Variants in EEF2 observed in about 807,000 individuals in gnomAD.
The protein encoded by EEF2 is elongation factor 2.
Under a neutral mutation model 85.3 loss-of-function variants are expected in EEF2, and 21 were observed. The observed-to-expected ratio is 0.25, with a 90% CI of 0.17 to 0.35. The LOEUF (loss-of-function observed/expected upper bound fraction) is 0.35, where lower values mean the gene tolerates loss of function less well. EEF2 is among the 10% of genes least tolerant of loss of function. EEF2 has a pLI of 1.00. For missense variants in EEF2, 825 were observed against 1,225.3 expected, an observed-to-expected ratio of 0.67 and a Z score of 4.88; for synonymous variants, 723 against 508.8, an observed-to-expected ratio of 1.42 and a Z score of -5.67.
rs1302306017 is a variant in EEF2, at chr19:3,980,936, T to C, written c.1055A>G (p.Gln352Arg). 13 of 1,573,094 alleles carry C rather than the reference T, an allele frequency of 8.3e-6. No homozygotes were observed. Among genetic ancestry groups the C allele is most frequent in the Non-Finnish European group, 1.1e-5 (13 of 1,160,178 alleles). Reference protein sequence around the residue: ...RWLPAGDALLQMITIHLPSPV... With the variant: ...RWLPAGDALLRMITIHLPSPV... ...GGAGGGCAGGTGGATGGTGATCATC[T>C]GCAACAAGGCGTCTCCGGCAGGCAG... Residue 352 changes from glutamine (Q) to arginine (R), a missense_variant, in exon 8 of 15, where the codon CAG becomes CGG. Coordinates refer to ENST00000309311, the MANE Select transcript of EEF2 (RefSeq NM_001961.4).
At chr19:3,976,839 C>A in intron 14 of EEF2, 92 bp from the exon 15 acceptor site, 4 of 1,347,848 alleles carry the variant, frequency 3.0e-6, no homozygotes, top group Non-Finnish European at 3.9e-6. Context: ...GTTCCTCAGC[C>A]TGAGTCACCC....
At chr19:3,979,487 G>A (rs772025899) in intron 10 of EEF2, 51 bp from the exon 11 acceptor site, 21 of 1,495,106 alleles carry the variant, frequency 1.4e-5, no homozygotes, top group Middle Eastern at 1.7e-4. Context: ...CGGAACAGGC[G>A]GGACCAGGCT....
At position 3,981,417 on chromosome 19, in the gene EEF2, C is replaced by T; in HGVS notation, c.933G>A (p.Glu311=). ...CCAGTTTCTCTATCAGTTTTGCTGT[C>T]TCCTCTTTCTTGAAATTCATGATCG... ...FDAIMNFKKE[E]TAKLIEKLDI... Residue 311 remains glutamate, a synonymous_variant, in exon 7 of 15, where the codon GAG becomes GAA. Coordinates refer to ENST00000309311, the MANE Select transcript of EEF2 (RefSeq NM_001961.4). The T allele has an allele frequency of 6.2e-7, 1 of 1,614,204 alleles. No homozygotes were observed. Among genetic ancestry groups the T allele is most frequent in the Non-Finnish European group, 8.5e-7 (1 of 1,180,036 alleles).
At chr19:3,979,712 A>G in intron 10 of EEF2, 96 bp downstream of exon 10, 1 of 1,525,114 alleles carries the variant, frequency 6.6e-7, no homozygotes, top group Non-Finnish European at 8.8e-7. Context: ...CAGTCACCCC[A>G]ATCCACCAAC....
intron 1 of EEF2, 27 bp downstream of exon 1, chr19:3,985,351 G>A (rs2039807175): frequency 2.0e-6 from 3 of 1,472,498 alleles, no homozygotes. Flanking sequence ...CGCCGCTCCG[G>A]GGCACCAGCG....
At chr19:3,984,388 T>C (rs1389099474) in intron 1 of EEF2, 38 bp from the exon 2 acceptor site, 1 of 1,601,862 alleles carries the variant, frequency 6.2e-7, no homozygotes, top group African/African-American at 1.3e-5. Context: ...GCTCGTGATT[T>C]CCAGGAACAC....
chr19:3,977,769 TCTAGAGC>T lies in EEF2; in HGVS notation c.2067+43_2067+49del. ...TCGGGAGGCAGGACCATGAGGTCCC[TCTAGAGC>T]CTGGAAACGGGTGTGGTCTGCACAT... is the stretch of plus-strand genomic sequence containing the variant. On this transcript the variant is annotated intron_variant, in intron 12 of 14. Transcript: ENST00000309311. This position sits in a 1 kb window ranked among gnomAD's most constrained non-coding sequence, Gnocchi z 5.4. 1 of 1,523,474 alleles carries T rather than the reference TCTAGAGC, an allele frequency of 6.6e-7. No homozygotes were observed. Among genetic ancestry groups the T allele is most frequent in the East Asian group, 2.3e-5 (1 of 43,852 alleles). The allele number at this position is 1,523,474 out of a possible 1,614,324, so 94.4% of individuals were successfully genotyped here.
rs574235597 is a variant in EEF2 at position 3,977,124 on chromosome 19, G to A, written c.2383+91C>T. The stretch of plus-strand genomic sequence containing the variant: ...ATCCATCACCTGCTCCCATCAGGAC[G>A]CCTCCTTTAACACCTTGCTAAGCTT... On this transcript the variant is annotated intron_variant, in intron 14 of 14. Coordinates refer to ENST00000309311, the MANE Select transcript of EEF2 (RefSeq NM_001961.4). This position sits in a 1 kb window ranked among gnomAD's most constrained non-coding sequence, Gnocchi z 5.4. The A allele has an allele frequency of 6.4e-5, 98 of 1,532,370 alleles. No individual in the cohort carries two copies. The highest frequency in any genetic ancestry group is 2.8e-4 in the Admixed American group (15 of 53,752). 94.9% of individuals were successfully genotyped at this position (1,532,370 alleles called of 1,614,324 possible). A position where few individuals can be genotyped will look rare whatever the true frequency, so the allele number is the denominator to read the frequency against.
chr19:3,979,000 C>T (rs2039711185), intron 11 of EEF2, among the ~76,000 whole-genome samples: 1 of 151,518 alleles, frequency 6.6e-6, no homozygotes, highest in African/African-American at 2.4e-5. Context: ...TGGTAGCACG[C>T]GCCTGTAGTC....
Position 3,976,596 on chromosome 19 carries a change from T to C in EEF2, c.2535A>G (p.Lys845=), listed in dbSNP as rs1599189416. 6.2e-7 allele frequency: 1 copy of C among 1,610,758 alleles called. No individual in the cohort carries two copies. Among genetic ancestry groups the C allele is most frequent in the South Asian group, 1.1e-5 (1 of 90,400 alleles). ...AGTTGTCCAGGGCAGGGATGCCTTCTTTCAGGCCCTTGCGCTTGCGGGTCT... is the reference window on the plus strand; with the variant it reads ...AGTTGTCCAGGGCAGGGATGCCTTCCTTCAGGCCCTTGCGCTTGCGGGTCT... ...VAETRKRKGL[K]EGIPALDNFL... is the part of the protein sequence containing the mutation. Residue 845 remains lysine (K), a synonymous_variant, in exon 15 of 15, where the codon AAA becomes AAG. Transcript: ENST00000309311.
At chr19:3,979,669 ACAGC>A (rs754871040) in intron 10 of EEF2, 135 bp downstream of exon 10, 27 of 1,346,234 alleles carry the variant, frequency 2.0e-5, no homozygotes, top group Non-Finnish European at 2.7e-5. Flanking sequence ...GTCTCCATTT[ACAGC>A]CACAGCCAAG....
At chr19:3,983,327 C>A (rs1361334769) in intron 2 of EEF2, 36 bp from the exon 3 acceptor site, 3 of 1,597,740 alleles carry the variant, frequency 1.9e-6, no homozygotes, top group African/African-American at 1.3e-5. Context: ...GGGACAGGAG[C>A]CACACACCTG....
rs902217510 is a variant in EEF2 at position 3,982,165 on chromosome 19, G to A, written c.791+81C>T. On this transcript the variant is annotated intron_variant, in intron 5 of 14. Transcript: ENST00000309311. ...AGACCTGGTGGGCTTGAGCCACGCT[G>A]TGAATAGCACACCACGCCCCTACGT... 5 of 1,600,446 alleles carry A rather than the reference G, an allele frequency of 3.1e-6. No homozygotes were observed. The African/African-American group carries it at 4.0e-5, about 13-fold the overall frequency.
intron 11 of EEF2, among the ~76,000 whole-genome samples, 191 bp downstream of exon 11, chr19:3,979,137 AC>A (rs1403790122): frequency 5.3e-5 from 8 of 151,658 alleles, no homozygotes; most frequent in African/African-American, 1.7e-4. Context: ...CTCAAAAAAA[AC>A]AACAACAACA....
chr19:3,980,807 T>A, intron 8 of EEF2, 34 bp downstream of exon 8: 1 of 1,584,222 alleles, frequency 6.3e-7, no homozygotes, highest in South Asian at 1.1e-5. Context: ...GTCATCCGGC[T>A]GCATCTCAGG....
intron 9 of EEF2, 34 bp downstream of exon 9, chr19:3,980,480 T>C (rs118050864): frequency 1.3e-6 from 2 of 1,593,468 alleles, no homozygotes; most frequent in Non-Finnish European, 1.7e-6. Flanking sequence ...CCCGCAACAG[T>C]GCCAAGGGGC....
At position 3,985,443 on chromosome 19, in the gene EEF2, G is replaced by C. The variant is rs907273439; in HGVS notation, c.-63C>G. The C allele has an allele frequency of 2.0e-4, 282 of 1,443,672 alleles. No individual in the cohort carries two copies. The highest frequency in any genetic ancestry group is 2.4e-4 in the Non-Finnish European group (259 of 1,092,652). The allele number at this position is 1,443,672 out of a possible 1,614,324, so 89.4% of individuals were successfully genotyped here. ...AAAGAAGCGAGTCGCGCCGAGGATG[G>C]CGGCGACGACGGCGGAAGAGAACGC... On this transcript the variant is annotated 5_prime_UTR_variant, in exon 1 of 15. Coordinates refer to ENST00000309311, the MANE Select transcript of EEF2 (RefSeq NM_001961.4).
rs933795495 is a variant in EEF2 at position 3,982,428 on chromosome 19, G to T, written c.613-4C>A. ...CGGTACCGAGGACAGGATCGATCTG[G>T]AAGTGTGAGAAACGAGAAGCAGCCG... On this transcript the variant is annotated splice_region_variant and splice_polypyrimidine_tract_variant and intron_variant, in intron 4 of 14. Coordinates refer to ENST00000309311, the MANE Select transcript of EEF2 (RefSeq NM_001961.4). The T allele has an allele frequency of 7.4e-6, 12 of 1,613,892 alleles. No individual in the cohort carries two copies. Among genetic ancestry groups the T allele is most frequent in the African/African-American group, 2.7e-5 (2 of 74,942 alleles).
rs770914707 is a variant in EEF2, at chr19:3,977,805, G to C, written c.2067+14C>G. On this transcript the variant is annotated intron_variant, in intron 12 of 14. Coordinates refer to ENST00000309311, the MANE Select transcript of EEF2 (RefSeq NM_001961.4). The surrounding 1 kb of genome is among the most constrained non-coding windows in gnomAD (Gnocchi z 5.4). Reference sequence around the variant, plus strand: ...GAAACGGGTGTGGTCTGCACATGCTGAGCCGTGCCTCACCTCCTTGGTGGC... The same window carrying C: ...GAAACGGGTGTGGTCTGCACATGCTCAGCCGTGCCTCACCTCCTTGGTGGC... The C allele has an allele frequency of 3.2e-6, 5 of 1,568,808 alleles. No individual in the cohort carries two copies. The South Asian group carries it at 4.7e-5, about 15-fold the overall frequency.
Sources: gnomAD v4.1 joint callset for allele counts (sites outside exome capture counted in the v4.1 genomes callset) on GRCh38, gnomAD v4.1.1 for gene constraint, Gnocchi (gnomAD v3.1) non-coding constraint, MANE v1.5 for transcripts, NCBI Gene and HGNC (gene_info 2026-07-23, HGNC 2026-07-21) for gene names.